SNTG1: variants seen among roughly 807,000 people sequenced by gnomAD.
SNTG1 encodes syntrophin gamma 1.
SNTG1 carries 39 observed loss-of-function variants against 74.7 expected under a neutral mutation model. The ratio of observed to expected loss-of-function variants is 0.52; its 90% CI spans 0.40 to 0.68. SNTG1 has a LOEUF of 0.68. Among genes scored for constraint, SNTG1 ranks in the 30% least tolerant of loss-of-function variants. The probability of loss-of-function intolerance (pLI) is 0.00; values close to 1 mark genes in which losing one functional copy is unlikely to be tolerated. For missense variants in SNTG1, 685 were observed against 609.5 expected (o/e 1.12, Z -1.30); for synonymous variants, 254 against 217.1 (o/e 1.17, Z -1.49).
At chr8:50,463,532 CAGTG>C (rs2093585035) in intron 8 of SNTG1, among the ~76,000 whole-genome samples, 1 of 152,166 alleles carries the variant, frequency 6.6e-6, no homozygotes. Flanking sequence ...GGTGAATTGT[CAGTG>C]AGCAGTAACC....
chr8:49,937,968 T>C (rs1163354684), intron 1 of SNTG1, among the ~76,000 whole-genome samples: 7 of 152,076 alleles, frequency 4.6e-5, no homozygotes, highest in Admixed American at 4.6e-4. Flanking sequence ...TCCCTTCTTT[T>C]CTTTATCCTA....
Position 50,436,989 on chromosome 8 carries a change from G to A in SNTG1, c.163-1554G>A, listed in dbSNP as rs144664164. Among the ~76,000 whole-genome samples, 528 of 152,186 alleles carry A rather than the reference G, an allele frequency of 3.5e-3. 3 individuals carry two copies. Among genetic ancestry groups the A allele is most frequent in the African/African-American group, 0.012 (508 of 41,552 alleles). On this transcript the variant is annotated intron_variant, in intron 4 of 18. Coordinates refer to ENST00000642720, the MANE Select transcript of SNTG1 (RefSeq NM_018967.5). ...ATGCTGAAAAATAAAAACAGACTTT[G>A]TGGTAGTATTTAATACAAATAGTTC...
intron 8 of SNTG1, among the ~76,000 whole-genome samples, chr8:50,473,965 A>T (rs1440418997): frequency 6.6e-6 from 1 of 151,884 alleles, no homozygotes; most frequent in Non-Finnish European, 1.5e-5. Context: ...TTAGTTTTTA[A>T]GTTTTTTTTT....
At position 50,322,155 on chromosome 8, in the gene SNTG1, C is replaced by T. The variant is rs141770787; in HGVS notation, c.-27-72057C>T. On this transcript the variant is annotated intron_variant, in intron 2 of 18. Transcript: ENST00000642720. ...TACTTTAAGTTTTAGGGTACATGTG[C>T]CTTTAGCATTTCTTATAGGTCAGGT... is the stretch of plus-strand genomic sequence containing the variant. Among the ~76,000 whole-genome samples, 540 of 151,624 alleles carry T rather than the reference C, an allele frequency of 3.6e-3. 1 individual carries two copies. The highest frequency in any genetic ancestry group is 5.9e-3 in the Non-Finnish European group (404 of 67,914).
intron 1 of SNTG1, among the ~76,000 whole-genome samples, chr8:50,131,415 A>G (rs1242050939): frequency 1.3e-5 from 2 of 152,162 alleles, no homozygotes; most frequent in Admixed American, 6.6e-5. Flanking sequence ...ATGTGAAATC[A>G]TGCAGTATTT....
At chr8:49,944,932 C>T (rs573005077) in intron 1 of SNTG1, among the ~76,000 whole-genome samples, 10 of 152,128 alleles carry the variant, frequency 6.6e-5, no homozygotes, top group South Asian at 2.1e-4. Context: ...GGACTACATG[C>T]GCCCACCACA....
chr8:50,314,852 C>T (rs142776852), intron 2 of SNTG1, among the ~76,000 whole-genome samples: 1 of 149,716 alleles, frequency 6.7e-6, no homozygotes, highest in Non-Finnish European at 1.5e-5. Flanking sequence ...CTTTTGAGCA[C>T]TTTTACTTTA....
Position 50,555,226 on chromosome 8 carries a change from T to C in SNTG1, c.810+2047T>C, listed in dbSNP as rs115391014. ...TTAACTGTTTGGAGATCCATATGTC[T>C]GTTGCATATTAAAAGTTATGTATTT... is the stretch of plus-strand genomic sequence containing the variant. On this transcript the variant is annotated intron_variant, in intron 12 of 18. Coordinates refer to ENST00000642720, the MANE Select transcript of SNTG1 (RefSeq NM_018967.5). Among the ~76,000 whole-genome samples, 1,199 of 152,320 alleles carry C rather than the reference T, an allele frequency of 7.9e-3. 20 individuals carry two copies. Among genetic ancestry groups the C allele is most frequent in the African/African-American group, 0.027 (1,129 of 41,580 alleles).
At chr8:50,543,139 A>G (rs1266337360) in intron 11 of SNTG1, among the ~76,000 whole-genome samples, 1 of 152,182 alleles carries the variant, frequency 6.6e-6, no homozygotes, top group African/African-American at 2.4e-5. Flanking sequence ...GTCTTACAGA[A>G]AACATCTTAG....
chr8:50,383,929 T>C (rs2092532009), intron 2 of SNTG1, among the ~76,000 whole-genome samples: 1 of 152,152 alleles, frequency 6.6e-6, no homozygotes, highest in Non-Finnish European at 1.5e-5. Context: ...CAACTTCCAA[T>C]TCAATGAAAT....
At chr8:50,181,998 A>T (rs1036049355) in intron 2 of SNTG1, among the ~76,000 whole-genome samples, 3 of 152,204 alleles carry the variant, frequency 2.0e-5, no homozygotes, top group African/African-American at 7.2e-5. Context: ...TTTAAAAACC[A>T]AGCCAGATTT....
At chr8:50,109,651 A>T (rs576032316) in intron 1 of SNTG1, among the ~76,000 whole-genome samples, 1 of 152,184 alleles carries the variant, frequency 6.6e-6, no homozygotes, top group Non-Finnish European at 1.5e-5. Context: ...CAGGAAGTCC[A>T]GGTGTTATCA....
chr8:50,136,918 C>A (rs1034868650), intron 1 of SNTG1, among the ~76,000 whole-genome samples: 1 of 152,010 alleles, frequency 6.6e-6, no homozygotes, highest in African/African-American at 2.4e-5. Context: ...AAAACCAACA[C>A]ATTTTAACTC....
chr8:50,309,285 C>A (rs74984770), intron 2 of SNTG1, among the ~76,000 whole-genome samples: 1 of 151,788 alleles, frequency 6.6e-6, no homozygotes, highest in African/African-American at 2.4e-5. Flanking sequence ...AGAGGGAAGC[C>A]GCGTATTTAC....
chr8:50,471,053 C>T (rs113677669), intron 8 of SNTG1, among the ~76,000 whole-genome samples: 3 of 151,978 alleles, frequency 2.0e-5, no homozygotes, highest in Non-Finnish European at 4.4e-5. Flanking sequence ...GATGCATTTA[C>T]AAACTTTAGC....
At chr8:50,657,574 T>C (rs951967745) in intron 14 of SNTG1, among the ~76,000 whole-genome samples, 10 of 152,160 alleles carry the variant, frequency 6.6e-5, no homozygotes, top group Admixed American at 5.9e-4. Context: ...CTTATCTAGC[T>C]ACTATTAAGT....
rs138292197 is a variant in SNTG1 at position 50,375,913 on chromosome 8, G to C, written c.-27-18299G>C. Among the ~76,000 whole-genome samples, 498 of 152,268 alleles carry C rather than the reference G, an allele frequency of 3.3e-3. 5 individuals are homozygous for C. Among genetic ancestry groups the C allele is most frequent in the African/African-American group, 0.012 (479 of 41,548 alleles). On this transcript the variant is annotated intron_variant, in intron 2 of 18. Coordinates refer to ENST00000642720, the MANE Select transcript of SNTG1 (RefSeq NM_018967.5). ...TTACGAAGAACAGTACATTTTTAGAGAAGTGACAAGAAAAAGGAAAAGGAC... is the reference window on the plus strand; with the variant it reads ...TTACGAAGAACAGTACATTTTTAGACAAGTGACAAGAAAAAGGAAAAGGAC...
At chr8:50,172,928 G>A (rs2082862573) in intron 2 of SNTG1, among the ~76,000 whole-genome samples, 1 of 150,280 alleles carries the variant, frequency 6.7e-6, no homozygotes, top group Non-Finnish European at 1.5e-5. Flanking sequence ...TCTTTAATAA[G>A]CACTATTTAT....
At chr8:50,639,876 C>T (rs1321369602) in intron 13 of SNTG1, among the ~76,000 whole-genome samples, 6 of 151,972 alleles carry the variant, frequency 3.9e-5, no homozygotes, top group African/African-American at 1.4e-4. Flanking sequence ...CATCTGTAAT[C>T]AGTATTTATT....
Sources: allele counts gnomAD v4.1 joint callset (sites outside exome capture counted in the v4.1 genomes callset), GRCh38; gene constraint gnomAD v4.1.1; transcripts MANE v1.5; gene names NCBI Gene and HGNC (gene_info 2026-07-23, HGNC 2026-07-21).